Variants in ST3GAL2 observed in about 807,000 individuals in gnomAD.
ST3GAL2 encodes ST3 beta-galactoside alpha-2,3-sialyltransferase 2, also known as CMP-N-acetylneuraminate-beta-galactosamide-alpha-2,3-sialyltransferase 2.
ST3GAL2 carries 16 observed loss-of-function variants against 37.5 expected under a neutral mutation model. That is an observed-to-expected ratio of 0.43 (90% CI 0.29 to 0.65). ST3GAL2 has a LOEUF of 0.65. ST3GAL2 is among the 30% of genes least tolerant of loss of function. The pLI is 0.17. For synonymous variants in ST3GAL2, 238 were observed against 202.9 expected (o/e 1.17, Z -1.47); for missense variants, 383 against 487.8 (o/e 0.79, Z 2.02).
intron 1 of ST3GAL2, among the ~76,000 whole-genome samples, chr16:70,402,389 T>G (rs1351203886): frequency 6.7e-6 from 1 of 149,562 alleles, no homozygotes; most frequent in African/African-American, 2.5e-5. Context: ...GGGATGAATA[T>G]GGCCAAAAAA....
chr16:70,422,940 G>T (rs1456539390), intron 1 of ST3GAL2: 1 of 152,140 alleles, frequency 6.6e-6, no homozygotes, highest in Non-Finnish European at 1.5e-5. Context: ...TTGTTTTTCT[G>T]TACCTGAAAC....
At chr16:70,392,753 T>C (rs907369090) in intron 3 of ST3GAL2, among the ~76,000 whole-genome samples, 1 of 152,200 alleles carries the variant, frequency 6.6e-6, no homozygotes, top group African/African-American at 2.4e-5. Flanking sequence ...CAAACTTGGA[T>C]ATGTCTACAA....
intron 1 of ST3GAL2, among the ~76,000 whole-genome samples, chr16:70,433,461 T>C (rs1023929218): frequency 6.6e-6 from 1 of 152,196 alleles, no homozygotes; most frequent in Non-Finnish European, 1.5e-5. Flanking sequence ...TTTTCTCTCC[T>C]TCTGGAGAGT....
At chr16:70,398,159 G>A in intron 2 of ST3GAL2, 33 bp downstream of exon 2, 3 of 1,597,940 alleles carry the variant, frequency 1.9e-6, no homozygotes, top group Non-Finnish European at 1.7e-6. Context: ...AAAACTGGGG[G>A]ACAGATCCCT....
chr16:70,401,063 C>T (rs1175033413), intron 1 of ST3GAL2: 1 of 152,286 alleles, frequency 6.6e-6, no homozygotes, highest in African/African-American at 2.4e-5. Context: ...AACTCGAGTT[C>T]TTTCAGGGTC....
chr16:70,436,350 C>T (rs2047825193), intron 1 of ST3GAL2, among the ~76,000 whole-genome samples: 1 of 151,266 alleles, frequency 6.6e-6, no homozygotes, highest in South Asian at 2.1e-4. Flanking sequence ...GCCAACAAGG[C>T]CGAGACAAGA....
rs749959356 is a variant in ST3GAL2 at position 70,395,179 on chromosome 16, T to G, written c.340-4A>C. On this transcript the variant is annotated splice_region_variant and splice_polypyrimidine_tract_variant and intron_variant, in intron 2 of 6. Transcript: ENST00000342907. ...ACTTGAACTGGGGCTGCAGCATCTG[T>G]GGAAGGGAGGGGAAGATGGGAAACG... 2 of 1,590,060 alleles carry G rather than the reference T, an allele frequency of 1.3e-6. No individual in the cohort carries two copies. Among genetic ancestry groups the G allele is most frequent in the Non-Finnish European group, 1.7e-6 (2 of 1,166,860 alleles).
chr16:70,419,869 C>T (rs1406456482), intron 1 of ST3GAL2, among the ~76,000 whole-genome samples: 1 of 152,102 alleles, frequency 6.6e-6, no homozygotes, highest in Non-Finnish European at 1.5e-5. Context: ...GGTGGGGTGT[C>T]CGCCAGAACC....
intron 1 of ST3GAL2, among the ~76,000 whole-genome samples, chr16:70,437,372 T>C (rs1255847436): frequency 1.3e-5 from 2 of 152,170 alleles, no homozygotes; most frequent in East Asian, 3.8e-4. Context: ...GTGAACCATC[T>C]GGTTCAGATC....
rs2047689682 is a variant in ST3GAL2 at position 70,418,324 on chromosome 16, C to T, written c.-1003-18791G>A. Among the ~76,000 whole-genome samples, 4 of 152,132 alleles carry T rather than the reference C, an allele frequency of 2.6e-5. No individual in the cohort carries two copies. In the South Asian group the frequency reaches 8.3e-4, roughly 31 times the overall value. ...TCTGTTTTGAGGACTTCCTGCAAGC[C>T]CTCCAGCCTACCACAAAGTCAGGGC... On this transcript the variant is annotated intron_variant, in intron 1 of 6. Coordinates refer to ENST00000342907, the MANE Select transcript of ST3GAL2 (RefSeq NM_006927.4).
intron 5 of ST3GAL2, 127 bp downstream of exon 5, chr16:70,383,063 C>A: frequency 6.3e-7 from 1 of 1,582,534 alleles, no homozygotes; most frequent in Non-Finnish European, 8.6e-7. Flanking sequence ...CTGCTAGGGT[C>A]AGGCATCTCG....
At position 70,379,497 on chromosome 16, in the gene ST3GAL2, T is replaced by C. The variant is rs2047379375; in HGVS notation, c.*2192A>G. ...TTCCATCATGCCCATTTCAGAACAA[T>C]GAAGGACTAGACAGTTTTTTGTTCC... On this transcript the variant is annotated 3_prime_UTR_variant, in exon 7 of 7. Transcript: ENST00000342907. The C allele has an allele frequency of 6.6e-6, 1 of 152,128 alleles. No individual in the cohort carries two copies. The highest frequency in any genetic ancestry group is 2.1e-4 in the South Asian group (1 of 4,824). 9.4% of individuals were successfully genotyped at this position (152,128 alleles called of 1,614,324 possible).
chr16:70,428,116 T>C (rs2047763965), intron 1 of ST3GAL2, among the ~76,000 whole-genome samples: 2 of 152,224 alleles, frequency 1.3e-5, no homozygotes, highest in African/African-American at 4.8e-5. Context: ...CACTGCTCTG[T>C]CCACAGCCCT....
At chr16:70,405,261 G>A (rs1482309877) in intron 1 of ST3GAL2, among the ~76,000 whole-genome samples, 1 of 152,202 alleles carries the variant, frequency 6.6e-6, no homozygotes, top group Non-Finnish European at 1.5e-5. Context: ...GCCAGGCACA[G>A]CCTGGTGCGG....
chr16:70,393,356 G>C (rs1269849688), intron 3 of ST3GAL2, among the ~76,000 whole-genome samples: 1 of 152,160 alleles, frequency 6.6e-6, no homozygotes, highest in Non-Finnish European at 1.5e-5. Context: ...GGGATTACAG[G>C]CATGAGCCAC....
rs1218838833 is a variant in ST3GAL2 at position 70,438,960 on chromosome 16, C to G, written c.-1015G>C. The G allele has an allele frequency of 1.3e-5, 2 of 149,472 alleles. No individual in the cohort carries two copies. The highest frequency in any genetic ancestry group is 3.9e-4 in the East Asian group (2 of 5,078). 9.3% of individuals were successfully genotyped at this position (149,472 alleles called of 1,614,324 possible). ...TCCCACCCGCGCACCTCAGTCAGCG[C>G]CCGGCGCCGCGCGGGCCATGCTCGC... On this transcript the variant is annotated 5_prime_UTR_variant, in exon 1 of 7. Coordinates refer to ENST00000342907, the MANE Select transcript of ST3GAL2 (RefSeq NM_006927.4).
intron 1 of ST3GAL2, among the ~76,000 whole-genome samples, chr16:70,401,279 G>A (rs1012231614): frequency 2.6e-5 from 4 of 152,204 alleles, no homozygotes; most frequent in African/African-American, 7.2e-5. Context: ...AATCAGGGAA[G>A]TCATTAACTC....
intron 1 of ST3GAL2, among the ~76,000 whole-genome samples, chr16:70,416,429 TAAAAG>T (rs2047677064): frequency 1.3e-5 from 2 of 152,168 alleles, no homozygotes; most frequent in Non-Finnish European, 2.9e-5. Flanking sequence ...GTCTCTCACT[TAAAAG>T]AACCCTAAGA....
chr16:70,381,484 T>G lies in ST3GAL2; in HGVS notation c.*205A>C. On this transcript the variant is annotated 3_prime_UTR_variant, in exon 7 of 7. Transcript: ENST00000342907. ...CGCCGGAAGTTTTCCTTGAGTCACA[T>G]GATTGGCTGGGAGAAACAGAAGCTC... 1 of 622,984 alleles carries G rather than the reference T, an allele frequency of 1.6e-6. No individual in the cohort carries two copies. The highest frequency in any genetic ancestry group is 2.7e-6 in the Non-Finnish European group (1 of 364,932). 38.6% of individuals were successfully genotyped at this position (622,984 alleles called of 1,614,324 possible). A position where few individuals can be genotyped will look rare whatever the true frequency, so the allele number is the denominator to read the frequency against.
Sources: allele counts gnomAD v4.1 joint callset (sites outside exome capture counted in the v4.1 genomes callset), GRCh38; gene constraint gnomAD v4.1.1; transcripts MANE v1.5; gene names NCBI Gene and HGNC (gene_info 2026-07-23, HGNC 2026-07-21).